Variants in BBOX1 observed in about 807,000 individuals in gnomAD.
The protein encoded by BBOX1 is gamma-butyrobetaine dioxygenase.
A neutral mutation model predicts 41.6 loss-of-function variants in BBOX1; 35 were observed. The ratio of observed to expected loss-of-function variants is 0.84; its 90% CI spans 0.64 to 1.11. The LOEUF (loss-of-function observed/expected upper bound fraction) is 1.11, where lower values mean the gene tolerates loss of function less well. Among genes scored for constraint, BBOX1 ranks in the 50% most tolerant of loss-of-function variants. BBOX1 has a pLI of 0.00. For missense variants in BBOX1, 458 were observed against 460.6 expected (o/e 0.99, Z 0.05); for synonymous variants, 163 against 154.7 (o/e 1.05, Z -0.40).
At chr11:27,077,633 AC>A (rs1167218220) in intron 4 of BBOX1, among the ~76,000 whole-genome samples, 4 of 132,792 alleles carry the variant, frequency 3.0e-5, no homozygotes, top group African/African-American at 5.9e-5. Flanking sequence ...AAAAAAAAAA[AC>A]CAAAAAAACA....
intron 5 of BBOX1, 24 bp from the exon 6 acceptor site, chr11:27,115,428 A>G (rs1859223329): frequency 6.3e-7 from 1 of 1,586,188 alleles, no homozygotes; most frequent in Non-Finnish European, 8.6e-7. Flanking sequence ...ACCTGTTTAA[A>G]CATGTGTTTC....
At chr11:27,055,882 G>T (rs1434597755) in intron 3 of BBOX1, among the ~76,000 whole-genome samples, 1 of 152,066 alleles carries the variant, frequency 6.6e-6, no homozygotes, top group Admixed American at 6.5e-5. Flanking sequence ...AGTGTTACTT[G>T]TCTTTTAGTC....
intron 4 of BBOX1, among the ~76,000 whole-genome samples, chr11:27,071,243 A>G (rs1275526487): frequency 6.6e-5 from 10 of 151,928 alleles, no homozygotes; most frequent in Non-Finnish European, 5.9e-5. Flanking sequence ...TTAGCCAGGC[A>G]TGGTGGCAGG....
chr11:27,103,853 G>A (rs894460893), intron 5 of BBOX1, among the ~76,000 whole-genome samples: 4 of 151,958 alleles, frequency 2.6e-5, no homozygotes, highest in African/African-American at 9.7e-5. Context: ...CCTTGATTTT[G>A]TTGTTGTTGT....
chr11:27,125,989 G>T (rs1859637287), intron 8 of BBOX1, among the ~76,000 whole-genome samples, 169 bp downstream of exon 8: 1 of 152,130 alleles, frequency 6.6e-6, no homozygotes, highest in Non-Finnish European at 1.5e-5. Flanking sequence ...GGCCCTCATT[G>T]AGGTTTATGC....
chr11:27,048,116 G>T (rs971775831), intron 2 of BBOX1, among the ~76,000 whole-genome samples: 1 of 151,562 alleles, frequency 6.6e-6, no homozygotes, highest in Non-Finnish European at 1.5e-5. Flanking sequence ...TGTTGGGGGG[G>T]TGAGAACACT....
chr11:27,067,473 A>G (rs12277417), intron 4 of BBOX1, among the ~76,000 whole-genome samples: 150,927 of 152,050 alleles, frequency 0.99, 74,918 homozygotes, highest in Middle Eastern at 1. Flanking sequence ...GGTGGCTCAC[A>G]TCTGTAATCC....
chr11:27,065,109 TA>T (rs1564959676), intron 4 of BBOX1, among the ~76,000 whole-genome samples: 2 of 152,128 alleles, frequency 1.3e-5, no homozygotes, highest in African/African-American at 4.8e-5. Context: ...ATAAATTAAA[TA>T]TCTCTCAAAG....
At chr11:27,067,748 G>A (rs1000280654) in intron 4 of BBOX1, among the ~76,000 whole-genome samples, 2 of 151,794 alleles carry the variant, frequency 1.3e-5, no homozygotes, top group African/African-American at 2.4e-5. Context: ...ACGACAGAGC[G>A]AGACTCCATC....
intron 4 of BBOX1, among the ~76,000 whole-genome samples, chr11:27,075,247 A>G (rs968644202): frequency 6.6e-6 from 1 of 152,092 alleles, no homozygotes; most frequent in African/African-American, 2.4e-5. Context: ...GTTTCTCATT[A>G]TAGTCTTTGT....
In BBOX1 at chr11:27,113,637, A is replaced by G. The variant is rs976270082; in HGVS notation, c.534-1815A>G. On this transcript the variant is annotated intron_variant, in intron 5 of 8. Coordinates refer to ENST00000263182, the MANE Select transcript of BBOX1 (RefSeq NM_003986.3). ...ATGGGCACAAAGAAGGGAACACTAG[A>G]CACCTGGGCCTTTGTGAGGGTGGAG... Among the ~76,000 whole-genome samples the G allele has an allele frequency of 2.0e-5, 3 of 151,838 alleles. 1 individual carries two copies. Among genetic ancestry groups the G allele is most frequent in the African/African-American group, 4.8e-5 (2 of 41,382 alleles).
chr11:27,094,361 C>A (rs1687074654), intron 5 of BBOX1, among the ~76,000 whole-genome samples: 1 of 151,930 alleles, frequency 6.6e-6, no homozygotes, highest in African/African-American at 2.4e-5. Flanking sequence ...AAGGGACCTT[C>A]CAACTCCAAA....
intron 8 of BBOX1, 154 bp downstream of exon 8, chr11:27,125,974 C>T: frequency 1.4e-6 from 1 of 703,428 alleles, no homozygotes; most frequent in Non-Finnish European, 2.3e-6. Context: ...ATGTAGTGGA[C>T]TCGTGGCCCT....
intron 4 of BBOX1, among the ~76,000 whole-genome samples, chr11:27,065,400 A>C (rs750931362): frequency 6.6e-6 from 1 of 152,132 alleles, no homozygotes; most frequent in Non-Finnish European, 1.5e-5. Flanking sequence ...GTAATCTATT[A>C]TTCTCATTTT....
chr11:27,119,546 C>G, intron 6 of BBOX1, 103 bp from the exon 7 acceptor site: 1 of 679,658 alleles, frequency 1.5e-6, no homozygotes, highest in South Asian at 7.3e-5. Context: ...AAAAATGGTG[C>G]ATGTATATTA....
chr11:27,092,453 C>T (rs540741006), intron 4 of BBOX1, among the ~76,000 whole-genome samples: 72 of 152,000 alleles, frequency 4.7e-4, no homozygotes, highest in African/African-American at 1.6e-3. Context: ...TTGGGAGAGC[C>T]CGGTTTGCAA....
At chr11:27,074,483 G>A (rs902914743) in intron 4 of BBOX1, among the ~76,000 whole-genome samples, 1 of 152,126 alleles carries the variant, frequency 6.6e-6, no homozygotes, top group African/African-American at 2.4e-5. Flanking sequence ...GGACAATGAA[G>A]TCCAGGCTGA....
chr11:27,069,546 A>G (rs533483846), intron 4 of BBOX1, among the ~76,000 whole-genome samples: 2 of 152,148 alleles, frequency 1.3e-5, no homozygotes, highest in South Asian at 4.1e-4. Flanking sequence ...CTCTTTTCCA[A>G]TTTGGTTGCC....
At chr11:27,067,953 A>G (rs1482791720) in intron 4 of BBOX1, among the ~76,000 whole-genome samples, 1 of 151,950 alleles carries the variant, frequency 6.6e-6, no homozygotes, top group Non-Finnish European at 1.5e-5. Context: ...GTGTGTATAT[A>G]CCATATTTTC....
Sources: allele counts gnomAD v4.1 joint callset (sites outside exome capture counted in the v4.1 genomes callset), GRCh38; gene constraint gnomAD v4.1.1; transcripts MANE v1.5; gene names NCBI Gene and HGNC (gene_info 2026-07-23, HGNC 2026-07-21).